Variants in MSI2 observed in about 807,000 individuals in gnomAD.
MSI2 encodes musashi RNA binding protein 2.
MSI2 carries 17 observed loss-of-function variants against 45.6 expected under a neutral mutation model. That is an observed-to-expected ratio of 0.37 (90% CI 0.26 to 0.56). MSI2 has a LOEUF of 0.56. Among genes scored for constraint, MSI2 ranks in the 20% least tolerant of loss-of-function variants. MSI2 has a pLI of 0.77. For synonymous variants in MSI2, 156 were observed against 158.2 expected (o/e 0.99, Z 0.11); for missense variants, 293 against 444.2 (o/e 0.66, Z 3.06).
intron 7 of MSI2, among the ~76,000 whole-genome samples, chr17:57,542,457 C>A (rs758297016): frequency 6.6e-6 from 1 of 152,196 alleles, no homozygotes; most frequent in Non-Finnish European, 1.5e-5. Flanking sequence ...GGTCACCCTG[C>A]ATGATGACTG....
chr17:57,434,781 A>AT (rs60454598), intron 6 of MSI2, among the ~76,000 whole-genome samples: 36,564 of 150,606 alleles, frequency 0.24, 5,931 homozygotes, highest in East Asian at 0.56. Flanking sequence ...TATACACCAC[A>AT]TTTTTTTTTT....
Position 57,521,502 on chromosome 17 carries a change from G to A in MSI2, c.406-8174G>A, listed in dbSNP as rs571786912. ...GAGCTGCTTCTCATATAGAACTTTG[G>A]CTTTCTTGTACTAAGACTGAGTTAA... On this transcript the variant is annotated intron_variant, in intron 6 of 13. Coordinates refer to ENST00000284073, the MANE Select transcript of MSI2 (RefSeq NM_138962.4). Among the ~76,000 whole-genome samples the A allele has an allele frequency of 2.6e-5, 4 of 152,234 alleles. No individual in the cohort carries two copies. The East Asian group carries it at 7.7e-4, about 29-fold the overall frequency.
chr17:57,581,822 G>T (rs1359941466), intron 7 of MSI2, among the ~76,000 whole-genome samples: 2 of 152,210 alleles, frequency 1.3e-5, no homozygotes, highest in Non-Finnish European at 2.9e-5. Flanking sequence ...CCAGCATTTC[G>T]TAAGTCGTCG....
intron 5 of MSI2, among the ~76,000 whole-genome samples, chr17:57,347,518 T>C (rs547468719): frequency 2.8e-4 from 42 of 152,334 alleles, no homozygotes; most frequent in South Asian, 1.2e-3. Flanking sequence ...GCAGGCATTA[T>C]TGGAGTACAG....
In MSI2 at chr17:57,676,980, A is replaced by G. The variant is rs774429579; in HGVS notation, c.946-7A>G. ...CACTGATGACCTTAACAATTGTGCAATTTTAGGGACCTTTGATTGCAACGG... is the reference window on the plus strand; with the variant it reads ...CACTGATGACCTTAACAATTGTGCAGTTTTAGGGACCTTTGATTGCAACGG... On this transcript the variant is annotated splice_region_variant and splice_polypyrimidine_tract_variant and intron_variant, in intron 12 of 13. Coordinates refer to ENST00000284073, the MANE Select transcript of MSI2 (RefSeq NM_138962.4). 1.2e-6 allele frequency: 2 copies of G among 1,606,320 alleles called. No homozygotes were observed. Among genetic ancestry groups the G allele is most frequent in the Non-Finnish European group, 1.7e-6 (2 of 1,172,790 alleles).
chr17:57,322,020 C>T (rs950484318), intron 5 of MSI2, among the ~76,000 whole-genome samples: 6 of 152,178 alleles, frequency 3.9e-5, no homozygotes, highest in African/African-American at 1.4e-4. Context: ...TAGTCTCGAA[C>T]TCCTGACCTC....
chr17:57,323,272 C>G (rs1313209592), intron 5 of MSI2, among the ~76,000 whole-genome samples: 1 of 152,164 alleles, frequency 6.6e-6, no homozygotes, highest in Non-Finnish European at 1.5e-5. Flanking sequence ...GTCTCATATC[C>G]TGCAGGAAAG....
chr17:57,362,195 G>A (rs1400670943), intron 5 of MSI2, among the ~76,000 whole-genome samples: 1 of 152,194 alleles, frequency 6.6e-6, no homozygotes, highest in Admixed American at 6.5e-5. Context: ...CAATGGCCAG[G>A]GAATGAATGT....
At chr17:57,439,373 G>A (rs1053037570) in intron 6 of MSI2, among the ~76,000 whole-genome samples, 2 of 152,164 alleles carry the variant, frequency 1.3e-5, no homozygotes, top group Admixed American at 6.5e-5. Context: ...TTTAGAGGAC[G>A]AGGAGGACTC....
At chr17:57,421,556 CCTT>C (rs2084397195) in intron 6 of MSI2, among the ~76,000 whole-genome samples, 1 of 143,924 alleles carries the variant, frequency 6.9e-6, no homozygotes, top group Non-Finnish European at 1.6e-5. Context: ...TCCTCCTCCT[CCTT>C]CTCCTCAGGC....
chr17:57,525,748 G>A (rs1040688906), intron 6 of MSI2, among the ~76,000 whole-genome samples: 3 of 152,198 alleles, frequency 2.0e-5, no homozygotes, highest in Non-Finnish European at 4.4e-5. Flanking sequence ...ATCATGCTGA[G>A]GATCAGACAC....
chr17:57,421,772 G>A (rs527584400), intron 6 of MSI2, among the ~76,000 whole-genome samples: 9 of 152,218 alleles, frequency 5.9e-5, no homozygotes, highest in African/African-American at 2.2e-4. Flanking sequence ...CAGGAGGGTC[G>A]CTTGAGCCCA....
chr17:57,641,780 T>C (rs530312773), intron 10 of MSI2, among the ~76,000 whole-genome samples: 2 of 152,324 alleles, frequency 1.3e-5, no homozygotes, highest in Admixed American at 1.3e-4. Flanking sequence ...TCAGTCTGGG[T>C]CTCAGAAAGA....
rs2144605330 is a variant in MSI2, at chr17:57,627,139, G to A, written c.653-90G>A. On this transcript the variant is annotated intron_variant, in intron 9 of 13. Coordinates refer to ENST00000284073, the MANE Select transcript of MSI2 (RefSeq NM_138962.4). The surrounding 1 kb of genome is among the most constrained non-coding windows in gnomAD (Gnocchi z 4.6). ...TATTCTGTGAAGGAAAATAACTCAG[G>A]CTTTCCTCATTGCCACCCTCCGTGA... is the stretch of plus-strand genomic sequence containing the variant. 2.6e-6 allele frequency: 3 copies of A among 1,145,206 alleles called. No individual in the cohort carries two copies. In the South Asian group the frequency reaches 3.7e-5, roughly 14 times the overall value. 70.9% of individuals were successfully genotyped at this position (1,145,206 alleles called of 1,614,324 possible). A position where few individuals can be genotyped will look rare whatever the true frequency, so the allele number is the denominator to read the frequency against.
intron 6 of MSI2, among the ~76,000 whole-genome samples, chr17:57,443,619 G>A (rs2084841692): frequency 6.6e-6 from 1 of 152,126 alleles, no homozygotes; most frequent in African/African-American, 2.4e-5. Context: ...AGCAAGTTAG[G>A]GGCTGAGCTG....
At chr17:57,489,969 A>G (rs80239693) in intron 6 of MSI2, among the ~76,000 whole-genome samples, 6,452 of 152,272 alleles carry the variant, frequency 0.042, 365 homozygotes, top group African/African-American at 0.12. Flanking sequence ...GAAAGTCCAG[A>G]TGTTGGGCTC....
intron 5 of MSI2, among the ~76,000 whole-genome samples, chr17:57,272,583 G>T (rs145826796): frequency 6.6e-6 from 1 of 152,128 alleles, no homozygotes; most frequent in African/African-American, 2.4e-5. Flanking sequence ...AAAGTAATCC[G>T]TATTTCCATG....
chr17:57,310,676 G>A (rs1276694349), intron 5 of MSI2, among the ~76,000 whole-genome samples: 3 of 152,162 alleles, frequency 2.0e-5, no homozygotes, highest in East Asian at 1.9e-4. Context: ...TCTTTTCCTC[G>A]TGAAGGGTTA....
intron 5 of MSI2, among the ~76,000 whole-genome samples, chr17:57,288,847 GTGCATTGGAGTGCA>G (rs1910144731): frequency 6.6e-6 from 1 of 152,018 alleles, no homozygotes; most frequent in Non-Finnish European, 1.5e-5. Flanking sequence ...GGAAGTGGGG[GTGCATTGGAGTGCA>G]TTGTATCTGT....
Sources: allele counts gnomAD v4.1 joint callset (sites outside exome capture counted in the v4.1 genomes callset), GRCh38; gene constraint gnomAD v4.1.1; non-coding constraint Gnocchi (gnomAD v3.1); transcripts MANE v1.5; gene names NCBI Gene and HGNC (gene_info 2026-07-23, HGNC 2026-07-21).